The following DMC1 variants were observed in gnomAD, a reference collection of about 807,000 sequenced individuals.
DMC1 encodes the protein meiotic recombination protein DMC1 homolog.
In DMC1, 27 loss-of-function variants were observed where a neutral mutation model predicts 50.1. The observed-to-expected ratio is 0.54, with a 90% CI of 0.40 to 0.74. The LOEUF (loss-of-function observed/expected upper bound fraction) is 0.74, where lower values mean the gene tolerates loss of function less well. DMC1 is among the 30% of genes least tolerant of loss of function. The pLI is 0.00. For missense variants in DMC1, 295 were observed against 420.2 expected (o/e 0.70, Z 2.60); for synonymous variants, 148 against 136.1 (o/e 1.09, Z -0.61).
intron 7 of DMC1, among the ~76,000 whole-genome samples, chr22:38,550,542 G>C (rs1040925400): frequency 2.0e-5 from 3 of 150,880 alleles, no homozygotes; most frequent in Non-Finnish European, 4.4e-5. Flanking sequence ...TTGATCTCCT[G>C]ACCTCGTGAT....
intron 12 of DMC1, among the ~76,000 whole-genome samples, chr22:38,532,432 C>CT (rs1366260255): frequency 6.0e-5 from 9 of 150,946 alleles, no homozygotes; most frequent in Non-Finnish European, 1.5e-5. Context: ...AACGATTCTT[C>CT]TGCCTCAGCC....
At chr22:38,511,350 G>A in the DMC1 span, among the ~76,000 whole-genome samples, 6 of 152,230 alleles carry the variant, frequency 3.9e-5, no homozygotes, top group Admixed American at 3.3e-4. Context: ...AGGCCGAGGC[G>A]GGAGGATCCC....
Position 38,519,965 on chromosome 22 carries a change from TC to T in DMC1, c.*54del. 1.4e-6 allele frequency: 2 copies of T among 1,446,176 alleles called. No individual in the cohort carries two copies. The highest frequency in any genetic ancestry group is 1.9e-6 in the Non-Finnish European group (2 of 1,028,080). 89.6% of individuals were successfully genotyped at this position (1,446,176 alleles called of 1,614,324 possible). On this transcript the variant is annotated 3_prime_UTR_variant, in exon 14 of 14. Coordinates refer to ENST00000216024, the MANE Select transcript of DMC1 (RefSeq NM_007068.4). ...AAGATGTGAAATTGGAGACTGCTTT[TC>T]CATTTCTTCAGCTCCTAATAAGCAC...
chr22:38,562,688 TTA>T (rs113831168), intron 4 of DMC1, among the ~76,000 whole-genome samples: 1 of 151,706 alleles, frequency 6.6e-6, no homozygotes, highest in Admixed American at 6.6e-5. Context: ...GAAAATTAAA[TTA>T]TATATATATA....
chr22:38,552,539 C>T, intron 7 of DMC1, 127 bp downstream of exon 7: 1 of 761,346 alleles, frequency 1.3e-6, no homozygotes, highest in South Asian at 1.5e-5. Context: ...TTTACTTAAT[C>T]TGCCTGTGTT....
chr22:38,535,700 C>T lies in DMC1; in HGVS notation c.836+1892G>A, dbSNP rs370648248. Among the ~76,000 whole-genome samples, 8 of 151,896 alleles carry T rather than the reference C, an allele frequency of 5.3e-5. No homozygotes were observed. In the East Asian group the frequency reaches 1.2e-3, roughly 22 times the overall value. On this transcript the variant is annotated intron_variant, in intron 12 of 13. Transcript: ENST00000216024. ...TTGGCTCACTTCAACCTCTGCCTCC[C>T]AGGTTCAAGTGATCCTCCTGTCTTA... is the stretch of plus-strand genomic sequence containing the variant.
intron 8 of DMC1, among the ~76,000 whole-genome samples, chr22:38,542,561 C>T (rs2070762514): frequency 6.6e-6 from 1 of 151,956 alleles, no homozygotes; most frequent in South Asian, 2.1e-4. Context: ...AGAGGACACA[C>T]AAAAAACAGA....
At chr22:38,536,502 A>C (rs1172411654) in intron 12 of DMC1, among the ~76,000 whole-genome samples, 1 of 152,180 alleles carries the variant, frequency 6.6e-6, no homozygotes, top group African/African-American at 2.4e-5. Context: ...CAAACACTTC[A>C]ACAAATTCTG....
chr22:38,551,691 A>G (rs749319494), intron 7 of DMC1, among the ~76,000 whole-genome samples: 1 of 152,010 alleles, frequency 6.6e-6, no homozygotes, highest in Non-Finnish European at 1.5e-5. Flanking sequence ...AGGTACATAC[A>G]TTATTTCATT....
At chr22:38,567,725 A>G (rs1344794041) in intron 2 of DMC1, 98 bp from the exon 3 acceptor site, 1 of 876,118 alleles carries the variant, frequency 1.1e-6, no homozygotes, top group Admixed American at 1.9e-5. Flanking sequence ...AGTCACTCCA[A>G]AATGCCTCAA....
At chr22:38,553,836 A>C (rs2090440043) in intron 6 of DMC1, among the ~76,000 whole-genome samples, 1 of 150,468 alleles carries the variant, frequency 6.6e-6, no homozygotes, top group Non-Finnish European at 1.5e-5. Context: ...GCGTGCACCT[A>C]TAGTCCCAGC....
At chr22:38,514,670 TC>T (rs1488613731), downstream of DMC1, among the ~76,000 whole-genome samples, 9 of 152,160 alleles carry the variant, frequency 5.9e-5, no homozygotes, top group Admixed American at 2.0e-4. Context: ...CCTCTGGTTG[TC>T]CTCATTGCTC....
At chr22:38,520,764 G>A (rs1194517004) in intron 13 of DMC1, among the ~76,000 whole-genome samples, 1 of 152,174 alleles carries the variant, frequency 6.6e-6, no homozygotes, top group East Asian at 1.9e-4. Context: ...ACTAATGTAG[G>A]AGCAAACTGT....
chr22:38,539,234 A>G, intron 9 of DMC1, 87 bp downstream of exon 9: 2 of 946,518 alleles, frequency 2.1e-6, no homozygotes, highest in South Asian at 1.4e-5. Flanking sequence ...ATAGAAAAAA[A>G]GTATCAAAAT....
At chr22:38,564,588 G>A (rs1176456712) in intron 4 of DMC1, among the ~76,000 whole-genome samples, 1 of 152,130 alleles carries the variant, frequency 6.6e-6, no homozygotes, top group African/African-American at 2.4e-5. Context: ...TGGGATTACA[G>A]GCGTAAGCCA....
At chr22:38,533,380 A>G (rs2090175398) in intron 12 of DMC1, among the ~76,000 whole-genome samples, 2 of 140,958 alleles carry the variant, frequency 1.4e-5, no homozygotes, top group African/African-American at 5.5e-5. Flanking sequence ...TGAGTGACAG[A>G]GCGAGACTCC....
intron 5 of DMC1, among the ~76,000 whole-genome samples, chr22:38,561,241 C>G (rs990234279): frequency 7.9e-5 from 12 of 151,644 alleles, no homozygotes; most frequent in African/African-American, 2.7e-4. Context: ...CAAGAGATCC[C>G]CTCCCCACCT....
downstream of DMC1, among the ~76,000 whole-genome samples, chr22:38,516,145 TA>T (rs2089975203): frequency 6.6e-6 from 1 of 152,202 alleles, no homozygotes; most frequent in African/African-American, 2.4e-5. Context: ...CTGGCCCAGA[TA>T]CCTGCATAAT....
chr22:38,535,551 GTTTT>G (rs912421421), intron 12 of DMC1, among the ~76,000 whole-genome samples: 1 of 151,682 alleles, frequency 6.6e-6, no homozygotes, highest in African/African-American at 2.4e-5. Context: ...CATTGCACTA[GTTTT>G]TTAACTTCTC....
Sources: allele counts gnomAD v4.1 joint callset (sites outside exome capture counted in the v4.1 genomes callset), GRCh38; gene constraint gnomAD v4.1.1; transcripts MANE v1.5; gene names NCBI Gene and HGNC (gene_info 2026-07-23, HGNC 2026-07-21).